Variants in STAU2 observed in about 807,000 individuals in gnomAD.
The protein encoded by STAU2 is double-stranded RNA-binding protein Staufen homolog 2.
Under a neutral mutation model 65.9 loss-of-function variants are expected in STAU2, and 20 were observed. The observed-to-expected ratio is 0.30, with a 90% CI of 0.21 to 0.44. The LOEUF is 0.44. Among genes scored for constraint, STAU2 ranks in the 20% least tolerant of loss-of-function variants. The pLI is 1.00. For missense variants in STAU2, 558 were observed against 683.9 expected (o/e 0.82, Z 2.05); for synonymous variants, 232 against 233.9 (o/e 0.99, Z 0.07).
intron 6 of STAU2, among the ~76,000 whole-genome samples, chr8:73,666,008 A>G (rs536489282): frequency 7.7e-4 from 118 of 152,328 alleles, no homozygotes; most frequent in Non-Finnish European, 1.5e-3. Context: ...TACATGTTCA[A>G]TACAGATGCA....
intron 12 of STAU2, among the ~76,000 whole-genome samples, chr8:73,554,253 A>G (rs1483148423): frequency 6.6e-6 from 1 of 152,220 alleles, no homozygotes; most frequent in Non-Finnish European, 1.5e-5. Flanking sequence ...TTGCCTCTCC[A>G]GGAAAAAGCT....
Position 73,506,530 on chromosome 8 carries a change from T to C in STAU2, c.1530+45482A>G, listed in dbSNP as rs148289355. 8.3e-4 allele frequency among the ~76,000 whole-genome samples: 127 copies of C among 152,152 alleles called. 1 individual carries two copies. The highest frequency in any genetic ancestry group is 3.0e-3 in the African/African-American group (123 of 41,498). On this transcript the variant is annotated intron_variant, in intron 13 of 14. Transcript: ENST00000524300. ...GAACATACTTTAATTTTAAAAACAG[T>C]TTATTAGAAAAAAATGCTAACAATC...
intron 3 of STAU2, among the ~76,000 whole-genome samples, chr8:73,723,651 A>G (rs1284271412): frequency 6.6e-6 from 1 of 152,130 alleles, no homozygotes; most frequent in African/African-American, 2.4e-5. Context: ...CTAATTTACC[A>G]TTAATCTCAT....
chr8:73,703,624 A>G (rs1025589214), intron 4 of STAU2, among the ~76,000 whole-genome samples: 4 of 152,246 alleles, frequency 2.6e-5, no homozygotes, highest in Admixed American at 2.0e-4. Flanking sequence ...CTACTCCTCA[A>G]TAATAAAAAG....
intron 4 of STAU2, among the ~76,000 whole-genome samples, chr8:73,702,514 TTCATAAATATATATACC>T (rs1411456940): frequency 3.3e-5 from 5 of 152,106 alleles, no homozygotes; most frequent in Non-Finnish European, 7.4e-5. Context: ...TCTCATGTAC[TTCATAAATATATATACC>T]TCATAAATAT....
rs1184688529 is a variant in STAU2 at position 73,746,580 on chromosome 8, C to A, written c.-197+203G>T. Among the ~76,000 whole-genome samples the A allele has an allele frequency of 2.0e-5, 3 of 152,032 alleles. No homozygotes were observed. The East Asian group carries it at 5.9e-4, about 30-fold the overall frequency. On this transcript the variant is annotated intron_variant, in intron 1 of 14. Coordinates refer to ENST00000524300, the MANE Select transcript of STAU2 (RefSeq NM_001164380.2). Reference sequence around the variant, plus strand: ...ATTCCTTCGCCTCCCTGTCCTCCCTCCCCCGCCGGTCTCCCCTCCCCGCTG... The same window carrying A: ...ATTCCTTCGCCTCCCTGTCCTCCCTACCCCGCCGGTCTCCCCTCCCCGCTG...
At chr8:73,617,472 C>T in intron 6 of STAU2, 21 bp from the exon 7 acceptor site, 1 of 1,605,294 alleles carries the variant, frequency 6.2e-7, no homozygotes, top group Non-Finnish European at 8.5e-7. Context: ...AAAATAAAAA[C>T]ATTAAAGTTA....
At chr8:73,437,925 C>T (rs947184984) in intron 13 of STAU2, among the ~76,000 whole-genome samples, 11 of 152,152 alleles carry the variant, frequency 7.2e-5, no homozygotes, top group South Asian at 6.2e-4. Context: ...AAGGCAATCA[C>T]GCACCATGCC....
chr8:73,580,778 G>A (rs1809920713), intron 12 of STAU2, among the ~76,000 whole-genome samples: 1 of 152,056 alleles, frequency 6.6e-6, no homozygotes, highest in South Asian at 2.1e-4. Flanking sequence ...TTCAGAGCTG[G>A]GCTGCCCTTA....
At chr8:73,669,636 A>G (rs1390488534) in intron 6 of STAU2, among the ~76,000 whole-genome samples, 1 of 82,192 alleles carries the variant, frequency 1.2e-5, no homozygotes, top group African/African-American at 4.6e-5. Flanking sequence ...TGAGCCTGGA[A>G]TTCTCTCTCT....
chr8:73,697,078 G>T (rs1018486155), intron 4 of STAU2, among the ~76,000 whole-genome samples: 1 of 145,198 alleles, frequency 6.9e-6, no homozygotes, highest in South Asian at 2.2e-4. Flanking sequence ...TTTTGAAACA[G>T]AGTCTCACTC....
intron 13 of STAU2, among the ~76,000 whole-genome samples, chr8:73,544,587 A>C (rs888500363): frequency 1.3e-5 from 2 of 152,030 alleles, no homozygotes; most frequent in African/African-American, 4.8e-5. Flanking sequence ...TTTCTTATCC[A>C]CCTTAAAATC....
intron 10 of STAU2, among the ~76,000 whole-genome samples, chr8:73,599,087 T>A (rs539717190): frequency 5.3e-5 from 8 of 152,186 alleles, no homozygotes; most frequent in Non-Finnish European, 1.2e-4. Flanking sequence ...TTGAACTCAA[T>A]GAAAACTCAA....
chr8:73,604,297 C>T (rs1442475330), intron 9 of STAU2, among the ~76,000 whole-genome samples: 1 of 152,104 alleles, frequency 6.6e-6, no homozygotes, highest in Admixed American at 6.5e-5. Context: ...AGTGCAATTT[C>T]AGCTCACCAC....
chr8:73,537,824 T>C (rs1392386787), intron 13 of STAU2, among the ~76,000 whole-genome samples: 2 of 152,228 alleles, frequency 1.3e-5, no homozygotes, highest in Non-Finnish European at 2.9e-5. Context: ...TTCTAAATTA[T>C]ATTTGACATT....
At chr8:73,471,640 G>A (rs1820023356) in intron 13 of STAU2, among the ~76,000 whole-genome samples, 1 of 151,608 alleles carries the variant, frequency 6.6e-6, no homozygotes, top group Non-Finnish European at 1.5e-5. Context: ...CCAATGTGGT[G>A]GAACCCTGTC....
intron 13 of STAU2, among the ~76,000 whole-genome samples, chr8:73,533,990 C>A (rs887066659): frequency 2.0e-5 from 3 of 152,030 alleles, no homozygotes; most frequent in African/African-American, 4.8e-5. Flanking sequence ...ATGGCCACCC[C>A]CTATGGAACA....
At position 73,574,650 on chromosome 8, in the gene STAU2, C is replaced by T. The variant is rs1035590950; in HGVS notation, c.1222+8120G>A. ...GAAACCATCATTCTGAGCAAACTAT[C>T]GCAAGGACAGAAAACCAAACACTGC... is the stretch of plus-strand genomic sequence containing the variant. On this transcript the variant is annotated intron_variant, in intron 12 of 14. Coordinates refer to ENST00000524300, the MANE Select transcript of STAU2 (RefSeq NM_001164380.2). 8.5e-5 allele frequency among the ~76,000 whole-genome samples: 13 copies of T among 152,202 alleles called. No homozygotes were observed. The East Asian group carries it at 1.7e-3, about 20-fold the overall frequency.
chr8:73,570,712 T>C (rs370568173), intron 12 of STAU2, among the ~76,000 whole-genome samples: 1 of 152,166 alleles, frequency 6.6e-6, no homozygotes, highest in African/African-American at 2.4e-5. Context: ...AAGGTCATGT[T>C]ACCCATAAAG....
Sources: gnomAD v4.1 joint callset for allele counts (sites outside exome capture counted in the v4.1 genomes callset) on GRCh38, gnomAD v4.1.1 for gene constraint, MANE v1.5 for transcripts, NCBI Gene and HGNC (gene_info 2026-07-23, HGNC 2026-07-21) for gene names.